The following ACAD10 variants were observed in gnomAD, a reference collection of about 807,000 sequenced individuals.
ACAD10 encodes ACAD-10.
Under a neutral mutation model 116.8 loss-of-function variants are expected in ACAD10, and 112 were observed. The observed-to-expected ratio is 0.96, with a 90% CI of 0.82 to 1.12. ACAD10 has a LOEUF of 1.12. Among genes scored for constraint, ACAD10 ranks in the 50% most tolerant of loss-of-function variants. The probability of loss-of-function intolerance (pLI) is 0.00; values close to 1 mark genes in which losing one functional copy is unlikely to be tolerated. For missense variants in ACAD10, 1,259 were observed against 1,350.2 expected (o/e 0.93, Z 1.06); for synonymous variants, 486 against 510.6 (o/e 0.95, Z 0.65).
chr12:111,712,641 G>A lies in ACAD10; in HGVS notation c.834G>A (p.Leu278=), dbSNP rs1229140105. 2 of 1,614,056 alleles carry A rather than the reference G, an allele frequency of 1.2e-6. No individual in the cohort carries two copies. Among genetic ancestry groups the A allele is most frequent in the South Asian group, 2.2e-5 (2 of 91,072 alleles). ...DSLQKYLKDL[L]GIQTTGPLEL... ...TGCAGAAGTACCTCAAAGACTTACT[G>A]GGTATCCAGACCACAGGTATGTGGG... The change falls in exon 6 of 21, where the codon CTG becomes CTA. Residue 278 remains leucine (L), a synonymous_variant. Coordinates refer to ENST00000313698, the MANE Select transcript of ACAD10 (RefSeq NM_025247.6).
chr12:111,692,565 T>C (rs1888082125), intron 1 of ACAD10, 132 bp from the exon 2 acceptor site: 10 of 847,630 alleles, frequency 1.2e-5, no homozygotes, highest in Non-Finnish European at 1.6e-5. Context: ...CTGAGGTCAG[T>C]TGTGGGTGTG....
At chr12:111,734,775 A>G (rs1409749891) in intron 11 of ACAD10, among the ~76,000 whole-genome samples, 2 of 152,218 alleles carry the variant, frequency 1.3e-5, no homozygotes, top group Non-Finnish European at 2.9e-5. Context: ...TTCTGTGTGT[A>G]TATGTACATT....
In ACAD10 at chr12:111,715,730, C is replaced by T. The variant is rs1888823011; in HGVS notation, c.851-91C>T. ...CATGGCAGATGAGGATATTTTGAAG[C>T]CCAAATGCAGAACTCATTAGAAAGA... On this transcript the variant is annotated intron_variant, in intron 6 of 20. Coordinates refer to ENST00000313698, the MANE Select transcript of ACAD10 (RefSeq NM_025247.6). The T allele has an allele frequency of 2.6e-6, 4 of 1,557,052 alleles. No homozygotes were observed. The East Asian group carries it at 9.0e-5, about 35-fold the overall frequency.
intron 8 of ACAD10, among the ~76,000 whole-genome samples, chr12:111,723,104 C>A (rs1889074287): frequency 7.0e-6 from 1 of 142,308 alleles, no homozygotes; most frequent in Non-Finnish European, 1.5e-5. Context: ...GGCAGAGGCG[C>A]CCCTCACCTC....
At chr12:111,686,588 C>T (rs1593006733) in intron 1 of ACAD10, among the ~76,000 whole-genome samples, 1 of 152,240 alleles carries the variant, frequency 6.6e-6, no homozygotes, top group East Asian at 1.9e-4. Context: ...TGGTGGCGCG[C>T]GTCTGTAGTC....
chr12:111,730,648 A>AT (rs1889359241), intron 10 of ACAD10, among the ~76,000 whole-genome samples: 1 of 152,096 alleles, frequency 6.6e-6, no homozygotes, highest in Admixed American at 6.6e-5. Context: ...CCTGCTTTTG[A>AT]TGCAAGCATG....
intron 3 of ACAD10, among the ~76,000 whole-genome samples, chr12:111,704,688 C>CTTTCTTT (rs554829011): frequency 1.6e-5 from 2 of 126,154 alleles, no homozygotes; most frequent in African/African-American, 3.1e-5. Flanking sequence ...TTCTTTCTTT[C>CTTTCTTT]TTTTTTTTTT....
chr12:111,747,745 C>T (rs1889955538), intron 16 of ACAD10: 2 of 1,078,210 alleles, frequency 1.9e-6, no homozygotes, highest in Non-Finnish European at 2.3e-6. Context: ...ATCCTAAGGG[C>T]TAATGACAAT....
chr12:111,755,865 C>G (rs1401727350), intron 20 of ACAD10, 120 bp downstream of exon 20: 1 of 1,011,160 alleles, frequency 9.9e-7, no homozygotes, highest in Admixed American at 1.8e-5. Flanking sequence ...ACCCACTCAC[C>G]ATGCATGCAA....
At chr12:111,723,598 A>AC (rs1209502343) in intron 8 of ACAD10, among the ~76,000 whole-genome samples, 6 of 101,762 alleles carry the variant, frequency 5.9e-5, no homozygotes, top group African/African-American at 1.2e-4. Flanking sequence ...TGGGGGGCTG[A>AC]CCCCCCCACC....
In ACAD10 at chr12:111,746,254, G is replaced by A. The variant is rs1266015120; in HGVS notation, c.2226G>A (p.Glu742=). The part of the protein sequence containing the change: ...LTNVEYAHLC[E]LMGTSLYAPE... ...ATGTGGAATATGCACATCTGTGTGAGCTCATGGGCACGTCCCTGTATGCCC... is the reference window on the plus strand; with the variant it reads ...ATGTGGAATATGCACATCTGTGTGAACTCATGGGCACGTCCCTGTATGCCC... Residue 742 remains glutamate (E), a synonymous_variant, in exon 14 of 21, where the codon GAG becomes GAA. Coordinates refer to ENST00000313698, the MANE Select transcript of ACAD10 (RefSeq NM_025247.6). 1.2e-6 allele frequency: 2 copies of A among 1,613,712 alleles called. No homozygotes were observed. The highest frequency in any genetic ancestry group is 1.7e-6 in the Non-Finnish European group (2 of 1,179,888).
intron 17 of ACAD10, chr12:111,748,846 TA>T: frequency 1.3e-6 from 1 of 743,464 alleles, no homozygotes; most frequent in Non-Finnish European, 2.1e-6. Flanking sequence ...GGTTCTCTGC[TA>T]ATAGTGTTCA....
Position 111,729,924 on chromosome 12 carries a change from G to A in ACAD10, c.1362G>A (p.Gln454=). ...IEWLPLHLPR[Q]QRTTVVHGDF... The stretch of plus-strand genomic sequence containing the variant: ...GGCTGCCCCTCCATCTTCCCCGTCA[G>A]CAGAGGACCACAGTGGTGCACGGGG... The change falls in exon 10 of 21, where the codon CAG becomes CAA. Residue 454 remains glutamine (Q), a synonymous_variant. Coordinates refer to ENST00000313698, the MANE Select transcript of ACAD10 (RefSeq NM_025247.6). 6.2e-7 allele frequency: 1 copy of A among 1,614,136 alleles called. No individual in the cohort carries two copies.
At chr12:111,739,359 A>T (rs1172484439) in intron 12 of ACAD10, among the ~76,000 whole-genome samples, 2 of 152,234 alleles carry the variant, frequency 1.3e-5, no homozygotes, top group African/African-American at 4.8e-5. Flanking sequence ...CAAAATCCAG[A>T]TTCTGGAAAA....
chr12:111,750,102 T>A (rs1316296100), intron 18 of ACAD10, among the ~76,000 whole-genome samples: 2 of 147,236 alleles, frequency 1.4e-5, no homozygotes, highest in African/African-American at 2.5e-5. Flanking sequence ...TTTGTTTTTT[T>A]TTTTTTTGAG....
Position 111,736,960 on chromosome 12 carries a change from G to A in ACAD10, c.1670G>A (p.Arg557His), listed in dbSNP as rs34912642. The A allele has an allele frequency of 3.7e-5, 59 of 1,613,764 alleles. No individual in the cohort carries two copies. Among genetic ancestry groups the A allele is most frequent in the South Asian group, 1.1e-4 (10 of 91,062 alleles). Residue 557 changes from arginine to histidine, a missense_variant, in exon 12 of 21, where the codon CGT (arginine) becomes CAT (histidine). Coordinates refer to ENST00000313698, the MANE Select transcript of ACAD10 (RefSeq NM_025247.6). ...TTCTATATGGCTTTTTCCTTTTTCCGTGTGGCTGCAATCCTACAGGGAGTC... is the reference window on the plus strand; with the variant it reads ...TTCTATATGGCTTTTTCCTTTTTCCATGTGGCTGCAATCCTACAGGGAGTC... Reference protein sequence around the residue: ...WNFYMAFSFFRVAAILQGVYK... With the variant: ...WNFYMAFSFFHVAAILQGVYK...
chr12:111,742,340 G>A (rs1889768916), intron 12 of ACAD10, among the ~76,000 whole-genome samples: 1 of 152,124 alleles, frequency 6.6e-6, no homozygotes, highest in Admixed American at 6.5e-5. Flanking sequence ...GCAGTCCGAG[G>A]AATAAGGAAT....
chr12:111,729,302 A>T (rs1201995302), intron 9 of ACAD10, among the ~76,000 whole-genome samples: 1 of 152,094 alleles, frequency 6.6e-6, no homozygotes, highest in African/African-American at 2.4e-5. Context: ...CAATGGCGCA[A>T]TCTCGGCTCA....
At chr12:111,691,416 T>C (rs1475538060) in intron 1 of ACAD10, among the ~76,000 whole-genome samples, 1 of 152,064 alleles carries the variant, frequency 6.6e-6, no homozygotes, top group East Asian at 1.9e-4. Flanking sequence ...AGAGGCTTCA[T>C]GAAGACAGTG....
Sources: allele counts gnomAD v4.1 joint callset (sites outside exome capture counted in the v4.1 genomes callset), GRCh38; gene constraint gnomAD v4.1.1; transcripts MANE v1.5; gene names NCBI Gene and HGNC (gene_info 2026-07-23, HGNC 2026-07-21).